Variants in MARCHF1 observed in about 807,000 individuals in gnomAD.
MARCHF1 encodes membrane associated ring-CH-type finger 1, also known as E3 ubiquitin-protein ligase MARCHF1.
A neutral mutation model predicts 54.2 loss-of-function variants in MARCHF1; 40 were observed. The ratio of observed to expected loss-of-function variants is 0.74; its 90% CI spans 0.57 to 0.96. The LOEUF is 0.96. Among genes scored for constraint, MARCHF1 ranks in the 40% least tolerant of loss-of-function variants. The probability of loss-of-function intolerance (pLI) is 0.00; values close to 1 mark genes in which losing one functional copy is unlikely to be tolerated. For synonymous variants in MARCHF1, 236 were observed against 236.3 expected (o/e 1.00, Z 0.01); for missense variants, 586 against 656.5 (o/e 0.89, Z 1.17).
chr4:163,732,686 T>A (rs1306882566), intron 4 of MARCHF1, among the ~76,000 whole-genome samples: 2 of 152,046 alleles, frequency 1.3e-5, no homozygotes, highest in African/African-American at 2.4e-5. Context: ...TTGGAAACAA[T>A]GCAAGCTAGA....
chr4:163,648,154 T>C (rs551704644), intron 5 of MARCHF1, among the ~76,000 whole-genome samples: 5 of 152,138 alleles, frequency 3.3e-5, no homozygotes, highest in South Asian at 2.1e-4. Context: ...CTTGGGATTT[T>C]TCCTCTTTCC....
intron 2 of MARCHF1, among the ~76,000 whole-genome samples, chr4:164,044,712 A>G (rs1754204339): frequency 6.6e-6 from 1 of 152,098 alleles, no homozygotes; most frequent in African/African-American, 2.4e-5. Context: ...GTCACTATAT[A>G]TAGTGAGAGT....
At chr4:163,729,627 G>A (rs1745770118) in intron 4 of MARCHF1, among the ~76,000 whole-genome samples, 1 of 152,030 alleles carries the variant, frequency 6.6e-6, no homozygotes, top group Non-Finnish European at 1.5e-5. Context: ...AGGTTATCAA[G>A]TTTGTGGGTG....
At chr4:164,233,338 A>T (rs549535646) in intron 1 of MARCHF1, among the ~76,000 whole-genome samples, 1 of 152,120 alleles carries the variant, frequency 6.6e-6, no homozygotes, top group African/African-American at 2.4e-5. Flanking sequence ...AACCTGCCCA[A>T]TGACATCATT....
At chr4:164,355,435 G>T (rs1431969768) in intron 1 of MARCHF1, among the ~76,000 whole-genome samples, 1 of 127,836 alleles carries the variant, frequency 7.8e-6, no homozygotes, top group Non-Finnish European at 1.7e-5. Context: ...CAATGGAACA[G>T]AACAGAGCCC....
chr4:163,638,948 TA>T (rs1742452425), intron 5 of MARCHF1, among the ~76,000 whole-genome samples: 1 of 152,066 alleles, frequency 6.6e-6, no homozygotes, highest in Non-Finnish European at 1.5e-5. Flanking sequence ...AAGTCACATA[TA>T]AGTCTATGAT....
At chr4:163,573,166 C>T (rs1198618172) in intron 8 of MARCHF1, among the ~76,000 whole-genome samples, 1 of 151,980 alleles carries the variant, frequency 6.6e-6, no homozygotes, top group African/African-American at 2.4e-5. Context: ...TATCCTGACA[C>T]TTTACTGAAG....
At chr4:163,557,810 T>A (rs1324534563) in intron 8 of MARCHF1, among the ~76,000 whole-genome samples, 2 of 152,338 alleles carry the variant, frequency 1.3e-5, no homozygotes, top group East Asian at 3.9e-4. Flanking sequence ...CAGTTGTCCA[T>A]TTCTCTAGCA....
chr4:163,831,883 G>C (rs544064378), intron 4 of MARCHF1, among the ~76,000 whole-genome samples: 66 of 152,204 alleles, frequency 4.3e-4, no homozygotes, highest in Non-Finnish European at 7.6e-4. Flanking sequence ...TAGGGAGCTT[G>C]AGTGAGAAGG....
intron 1 of MARCHF1, among the ~76,000 whole-genome samples, chr4:164,285,718 C>T (rs571288813): frequency 2.8e-4 from 43 of 151,772 alleles, no homozygotes; most frequent in African/African-American, 8.9e-4. Flanking sequence ...GCCTCAGCCT[C>T]CCAAAGTGCT....
chr4:163,965,960 C>A (rs1261278554), intron 3 of MARCHF1, among the ~76,000 whole-genome samples: 1 of 151,926 alleles, frequency 6.6e-6, no homozygotes, highest in African/African-American at 2.4e-5. Flanking sequence ...TTATGATATA[C>A]CCTGAGATTG....
chr4:164,008,693 A>T (rs1033603480), intron 2 of MARCHF1, among the ~76,000 whole-genome samples: 18 of 152,118 alleles, frequency 1.2e-4, no homozygotes, highest in Admixed American at 1.1e-3. Flanking sequence ...CTCAGGCAAT[A>T]GACAAACACA....
chr4:163,899,779 C>CACACACACACA (rs1750897900), intron 3 of MARCHF1, among the ~76,000 whole-genome samples: 1 of 151,786 alleles, frequency 6.6e-6, no homozygotes. Flanking sequence ...CACACACACA[C>CACACACACACA]ACACACACAC....
chr4:164,181,038 T>G (rs1339905860), intron 1 of MARCHF1, among the ~76,000 whole-genome samples: 1 of 152,156 alleles, frequency 6.6e-6, no homozygotes, highest in Non-Finnish European at 1.5e-5. Flanking sequence ...AAATCCTATT[T>G]TACTGGAGTC....
intron 3 of MARCHF1, among the ~76,000 whole-genome samples, chr4:163,965,385 A>G (rs1489096540): frequency 1.3e-5 from 2 of 152,038 alleles, no homozygotes; most frequent in Non-Finnish European, 2.9e-5. Flanking sequence ...CTACACAGTA[A>G]GACTATTATT....
Position 163,575,033 on chromosome 4 carries a change from T to C in MARCHF1, c.1191+10716A>G, listed in dbSNP as rs1336924601. 2.6e-5 allele frequency among the ~76,000 whole-genome samples: 4 copies of C among 152,046 alleles called. No individual in the cohort carries two copies. The East Asian group carries it at 7.7e-4, about 29-fold the overall frequency. On this transcript the variant is annotated intron_variant, in intron 8 of 9. Transcript: ENST00000514618. ...TTCTCCTTGACGTGATCTTGCCTGA[T>C]TGCTATGGCTATCACTTCCAGTACT... is the stretch of plus-strand genomic sequence containing the variant.
At chr4:163,826,704 G>A (rs866085358) in intron 4 of MARCHF1, among the ~76,000 whole-genome samples, 1 of 152,020 alleles carries the variant, frequency 6.6e-6, no homozygotes, top group African/African-American at 2.4e-5. Context: ...AATGCTGTAA[G>A]GAAACAAGTG....
intron 4 of MARCHF1, among the ~76,000 whole-genome samples, chr4:163,734,337 T>C (rs546986384): frequency 6.6e-6 from 1 of 152,262 alleles, no homozygotes; most frequent in Admixed American, 6.5e-5. Flanking sequence ...ATTTATCCAG[T>C]GAAAATTAAA....
chr4:164,336,725 T>C (rs6536808), intron 1 of MARCHF1, among the ~76,000 whole-genome samples: 18,075 of 152,194 alleles, frequency 0.12, 1,842 homozygotes, highest in East Asian at 0.42. Context: ...ACTACCAGGT[T>C]GTAAATCCTT....
Sources: allele counts gnomAD v4.1 joint callset (sites outside exome capture counted in the v4.1 genomes callset), GRCh38; gene constraint gnomAD v4.1.1; transcripts MANE v1.5; gene names NCBI Gene and HGNC (gene_info 2026-07-23, HGNC 2026-07-21).